Variants in TSHZ2 observed in about 807,000 individuals in gnomAD.
TSHZ2 encodes the protein teashirt homolog 2.
In TSHZ2, 21 loss-of-function variants were observed where a neutral mutation model predicts 74.4. The ratio of observed to expected loss-of-function variants is 0.28; its 90% CI spans 0.20 to 0.41. The LOEUF is 0.41. TSHZ2 is among the 10% of genes least tolerant of loss of function. The pLI is 1.00. For synonymous variants in TSHZ2, 540 were observed against 515.3 expected (o/e 1.05, Z -0.65); for missense variants, 1,244 against 1,293.5 (o/e 0.96, Z 0.59).
At chr20:53,339,088 T>C (rs935166185) in intron 2 of TSHZ2, among the ~76,000 whole-genome samples, 1 of 152,220 alleles carries the variant, frequency 6.6e-6, no homozygotes. Flanking sequence ...AAACTAGCCA[T>C]GTCACACCTG....
intron 1 of TSHZ2, among the ~76,000 whole-genome samples, chr20:52,998,926 T>G (rs180675449): frequency 1.3e-5 from 2 of 152,350 alleles, no homozygotes; most frequent in Non-Finnish European, 2.9e-5. Flanking sequence ...TTCCAGGTGA[T>G]GAGAAAATCA....
chr20:53,442,707 T>A (rs1984385565), intron 2 of TSHZ2, among the ~76,000 whole-genome samples: 1 of 152,214 alleles, frequency 6.6e-6, no homozygotes, highest in African/African-American at 2.4e-5. Context: ...CATTCTAGAG[T>A]TGTTTATGGA....
chr20:53,196,393 T>C (rs865935916), intron 1 of TSHZ2: 6 of 98,136 alleles, frequency 6.1e-5, no homozygotes, highest in African/African-American at 1.5e-4. Flanking sequence ...AAAAAAAAAA[T>C]GTGCTTTCAA....
At chr20:53,234,846 A>T (rs997525211) in intron 1 of TSHZ2, among the ~76,000 whole-genome samples, 1 of 152,116 alleles carries the variant, frequency 6.6e-6, no homozygotes, top group Non-Finnish European at 1.5e-5. Context: ...GAGAACATTG[A>T]CTTTTTCTTT....
At chr20:53,206,090 G>A (rs1263421688) in intron 1 of TSHZ2, among the ~76,000 whole-genome samples, 4 of 152,024 alleles carry the variant, frequency 2.6e-5, no homozygotes, top group African/African-American at 7.2e-5. Context: ...GTGGTGGCAC[G>A]AGCCTGTAAT....
intron 2 of TSHZ2, among the ~76,000 whole-genome samples, chr20:53,464,246 C>T (rs1470376112): frequency 6.6e-6 from 1 of 152,186 alleles, no homozygotes; most frequent in African/African-American, 2.4e-5. Context: ...TCAAACAGTG[C>T]TCGTCCAGAC....
intron 1 of TSHZ2, among the ~76,000 whole-genome samples, chr20:53,153,062 T>G (rs1987710375): frequency 6.6e-6 from 1 of 152,202 alleles, no homozygotes; most frequent in African/African-American, 2.4e-5. Flanking sequence ...GAATCCATCA[T>G]GCCTCAGAAT....
chr20:53,262,316 C>T (rs1056801894), intron 2 of TSHZ2, among the ~76,000 whole-genome samples: 4 of 151,962 alleles, frequency 2.6e-5, no homozygotes, highest in African/African-American at 9.7e-5. Flanking sequence ...GGAGAAAAAG[C>T]CATGCAGAAC....
chr20:53,182,123 TTTCTCTCCCTCCC>T (rs751602863), intron 1 of TSHZ2, among the ~76,000 whole-genome samples: 31 of 151,302 alleles, frequency 2.0e-4, no homozygotes, highest in South Asian at 4.2e-4. Context: ...TCCTCCCTTC[TTTCTCTCCCTCCC>T]TTCTCTCCCT....
intron 2 of TSHZ2, among the ~76,000 whole-genome samples, chr20:53,302,403 TTAGTGAATAATTTTTATTCTC>T (rs1453245918): frequency 6.6e-6 from 1 of 152,202 alleles, no homozygotes; most frequent in Admixed American, 6.5e-5. Flanking sequence ...TCGAACCTTG[TTAGTGAATAATTTTTATTCTC>T]TAGTGAATGC....
intron 2 of TSHZ2, among the ~76,000 whole-genome samples, chr20:53,463,445 G>GGAA (rs1985459360): frequency 2.6e-5 from 3 of 113,288 alleles, no homozygotes; most frequent in Admixed American, 8.9e-5. Flanking sequence ...GAGGGAGGGA[G>GGAA]GGAAGGAAGG....
At chr20:53,073,194 C>CTCCCTCCATCCA (rs1985245271) in intron 1 of TSHZ2, among the ~76,000 whole-genome samples, 2 of 142,896 alleles carry the variant, frequency 1.4e-5, no homozygotes, top group Non-Finnish European at 3.1e-5. Flanking sequence ...CCATCCATCC[C>CTCCCTCCATCCA]TCCCTCCATC....
At chr20:53,420,630 G>A (rs1308032198) in intron 2 of TSHZ2, among the ~76,000 whole-genome samples, 1 of 152,130 alleles carries the variant, frequency 6.6e-6, no homozygotes, top group Non-Finnish European at 1.5e-5. Context: ...GGACTACTGG[G>A]AGTAGTAGTC....
At chr20:53,438,513 G>A (rs1323449367) in intron 2 of TSHZ2, among the ~76,000 whole-genome samples, 1 of 152,210 alleles carries the variant, frequency 6.6e-6, no homozygotes, top group African/African-American at 2.4e-5. Context: ...CTAGGGTCGT[G>A]TGCTCATCCC....
At chr20:53,465,749 A>G (rs1353914999) in intron 2 of TSHZ2, among the ~76,000 whole-genome samples, 2 of 152,150 alleles carry the variant, frequency 1.3e-5, no homozygotes, top group African/African-American at 4.8e-5. Flanking sequence ...TTAAGGGACT[A>G]TTATAACAAT....
chr20:53,160,342 T>C (rs913729655), intron 1 of TSHZ2, among the ~76,000 whole-genome samples: 1 of 152,232 alleles, frequency 6.6e-6, no homozygotes, highest in Non-Finnish European at 1.5e-5. Context: ...AAATCCCTTA[T>C]GGCTATGCCG....
intron 2 of TSHZ2, among the ~76,000 whole-genome samples, chr20:53,454,495 G>C (rs946169622): frequency 1.3e-5 from 2 of 151,954 alleles, no homozygotes; most frequent in Non-Finnish European, 2.9e-5. Flanking sequence ...CCAGGAGGTG[G>C]AGGTTGCAGT....
At chr20:53,033,108 A>C (rs892380192) in intron 1 of TSHZ2, among the ~76,000 whole-genome samples, 1 of 152,032 alleles carries the variant, frequency 6.6e-6, no homozygotes, top group African/African-American at 2.4e-5. Context: ...CAAACAGATT[A>C]AGTAAGTAGA....
At chr20:53,285,037 G>T (rs1991139305) in intron 2 of TSHZ2, among the ~76,000 whole-genome samples, 1 of 152,172 alleles carries the variant, frequency 6.6e-6, no homozygotes, top group Admixed American at 6.5e-5. Context: ...AGCAGAGTCA[G>T]AAGCACAGGA....
Sources: gnomAD v4.1 joint callset for allele counts (sites outside exome capture counted in the v4.1 genomes callset) on GRCh38, gnomAD v4.1.1 for gene constraint, MANE v1.5 for transcripts, NCBI Gene and HGNC (gene_info 2026-07-23, HGNC 2026-07-21) for gene names.